MYO18B: variants seen among roughly 807,000 people sequenced by gnomAD.
MYO18B encodes the protein unconventional myosin-XVIIIb.
Under a neutral mutation model 273.0 loss-of-function variants are expected in MYO18B, and 204 were observed. That is an observed-to-expected ratio of 0.75 (90% confidence interval 0.67 to 0.84). MYO18B has a LOEUF of 0.84. Ranked by LOEUF, MYO18B falls within the 40% of genes least tolerant of loss-of-function variation. MYO18B has a pLI of 0.00. For missense variants in MYO18B, 3,212 were observed against 3,287.6 expected, an observed-to-expected ratio of 0.98 and a Z score of 0.56; for synonymous variants, 1,330 against 1,305.7, an observed-to-expected ratio of 1.02 and a Z score of -0.40.
intron 25 of MYO18B, among the ~76,000 whole-genome samples, chr22:25,887,402 C>T (rs1288499179): frequency 6.6e-6 from 1 of 152,048 alleles, no homozygotes. Flanking sequence ...TTTTTCTGTT[C>T]CACTCCATAC....
At chr22:26,033,447 G>A (rs74389534), downstream of MYO18B, among the ~76,000 whole-genome samples, 1,524 of 152,224 alleles carry the variant, frequency 0.01, 136 homozygotes, top group East Asian at 0.21. Context: ...TTTATAATAC[G>A]TTTATTTTAT....
chr22:25,874,440 G>T, intron 23 of MYO18B, 26 bp downstream of exon 23: 1 of 1,604,680 alleles, frequency 6.2e-7, no homozygotes, highest in Non-Finnish European at 8.5e-7. Context: ...CCCATGAGGA[G>T]TCTGATCCAA....
intron 39 of MYO18B, among the ~76,000 whole-genome samples, chr22:25,987,004 T>C (rs1334351349): frequency 6.6e-6 from 1 of 152,214 alleles, no homozygotes; most frequent in South Asian, 2.1e-4. Flanking sequence ...AGCAACAAGA[T>C]GAATTTTCGT....
intron 9 of MYO18B, among the ~76,000 whole-genome samples, chr22:25,780,412 A>G (rs1336575560): frequency 6.6e-6 from 1 of 151,750 alleles, no homozygotes; most frequent in Admixed American, 6.6e-5. Flanking sequence ...CCAACATGGT[A>G]AAACCCCGTC....
chr22:26,037,083 CT>C, the MYO18B span, among the ~76,000 whole-genome samples: 1 of 111,404 alleles, frequency 9.0e-6, no homozygotes, highest in Admixed American at 8.9e-5. Context: ...GGTCAGCTGG[CT>C]GAACGGGCCT....
In MYO18B at chr22:25,932,411, C is replaced by CT. The variant is rs778189259; in HGVS notation, c.5517+11012dup. ...TTTTCTTTTCTTTTTTCTTTTCTTT[C>CT]TTTTTTTTTTCTTTGAGACACAGTT... On this transcript the variant is annotated intron_variant, in intron 34 of 43. Transcript: ENST00000335473. 3.0e-3 allele frequency among the ~76,000 whole-genome samples: 245 copies of CT among 81,526 alleles called. 2 individuals carry two copies. Among genetic ancestry groups the CT allele is most frequent in the South Asian group, 0.029 (80 of 2,798 alleles). 53.5% of individuals were successfully genotyped at this position (81,526 alleles called of 152,430 possible). A position where few individuals can be genotyped will look rare whatever the true frequency, so the allele number is the denominator to read the frequency against.
At chr22:25,762,621 G>T (rs1331205307) in intron 2 of MYO18B, among the ~76,000 whole-genome samples, 12 of 152,276 alleles carry the variant, frequency 7.9e-5, no homozygotes, top group African/African-American at 2.9e-4. Context: ...AGGACCCAGT[G>T]TTAGAGAGCT....
At chr22:25,952,192 A>G (rs2092800162) in intron 37 of MYO18B, 94 bp from the exon 38 acceptor site, 1 of 1,398,554 alleles carries the variant, frequency 7.2e-7, no homozygotes, top group Admixed American at 2.0e-5. Context: ...TGGTGTGAAT[A>G]GCTCCTCCCA....
the MYO18B span, among the ~76,000 whole-genome samples, chr22:26,054,055 T>G: frequency 6.6e-6 from 1 of 152,110 alleles, no homozygotes; most frequent in African/African-American, 2.4e-5. Context: ...TGAAAGGACC[T>G]AGAAACTAAT....
At chr22:25,763,094 C>T in intron 2 of MYO18B, 137 bp from the exon 3 acceptor site, 1 of 998,872 alleles carries the variant, frequency 1.0e-6, no homozygotes, top group Non-Finnish European at 1.6e-6. Flanking sequence ...ACCTGCTTGG[C>T]TGTGGCTTCT....
At chr22:25,771,062 G>C in intron 6 of MYO18B, 78 bp downstream of exon 6, 1 of 1,015,390 alleles carries the variant, frequency 9.8e-7, no homozygotes, top group South Asian at 1.5e-5. Context: ...TCCTTCCCCA[G>C]TCCTGCAAGA....
downstream of MYO18B, among the ~76,000 whole-genome samples, chr22:26,034,220 T>C (rs946379946): frequency 3.3e-5 from 5 of 152,192 alleles, no homozygotes; most frequent in African/African-American, 1.2e-4. Flanking sequence ...GGCCCTGATG[T>C]CACATAGGCA....
chr22:25,824,663 G>A (rs746691647), intron 13 of MYO18B, among the ~76,000 whole-genome samples: 6 of 152,052 alleles, frequency 3.9e-5, no homozygotes, highest in Non-Finnish European at 8.8e-5. Flanking sequence ...CACCTTCCAG[G>A]GACTTCGGCG....
intron 31 of MYO18B, among the ~76,000 whole-genome samples, chr22:25,904,988 T>A (rs1018553575): frequency 1.3e-5 from 2 of 152,040 alleles, no homozygotes; most frequent in Non-Finnish European, 2.9e-5. Flanking sequence ...CTTCTTCTGA[T>A]GCTTGGCTCT....
intron 20 of MYO18B, among the ~76,000 whole-genome samples, chr22:25,848,738 C>T (rs1343994708): frequency 6.6e-6 from 1 of 152,186 alleles, no homozygotes; most frequent in Non-Finnish European, 1.5e-5. Flanking sequence ...CTCTCAGTCT[C>T]CAAAGGCCAC....
Position 25,765,895 on chromosome 22 carries a change from G to C in MYO18B, c.199-2220G>C, listed in dbSNP as rs139999465. Among the ~76,000 whole-genome samples the C allele has an allele frequency of 4.4e-4, 67 of 152,240 alleles. No individual in the cohort carries two copies. In the East Asian group the frequency reaches 9.6e-3, roughly 22 times the overall value. ...TTCAATATGGTGTAGACAGTGGTGA[G>C]ATTTGCCAAGTGCAGTCAATCCCCC... On this transcript the variant is annotated intron_variant, in intron 3 of 43. Transcript: ENST00000335473.
intron 21 of MYO18B, among the ~76,000 whole-genome samples, chr22:25,851,836 G>A (rs965195748): frequency 2.2e-4 from 33 of 152,186 alleles, no homozygotes; most frequent in African/African-American, 7.2e-5. Context: ...TCTGAAAGCA[G>A]GACCATGGGG....
chr22:25,935,881 C>T (rs1479053567), intron 34 of MYO18B, among the ~76,000 whole-genome samples: 1 of 152,206 alleles, frequency 6.6e-6, no homozygotes, highest in African/African-American at 2.4e-5. Context: ...TGGTTGCGGG[C>T]TTCTTCCCAA....
At chr22:26,014,102 T>C (rs1935120418) in intron 42 of MYO18B, among the ~76,000 whole-genome samples, 2 of 152,208 alleles carry the variant, frequency 1.3e-5, no homozygotes, top group African/African-American at 4.8e-5. Flanking sequence ...TATTTTCTTA[T>C]TTTTTGTAGA....
Sources: allele counts gnomAD v4.1 joint callset (sites outside exome capture counted in the v4.1 genomes callset), GRCh38; gene constraint gnomAD v4.1.1; transcripts MANE v1.5; gene names NCBI Gene and HGNC (gene_info 2026-07-23, HGNC 2026-07-21).